Variants in DCLK2 observed in about 807,000 individuals in gnomAD.
DCLK2 encodes doublecortin like kinase 2, also known as serine/threonine-protein kinase DCLK2.
DCLK2 carries 31 observed loss-of-function variants against 78.4 expected under a neutral mutation model. The observed-to-expected ratio is 0.40, with a 90% CI of 0.30 to 0.53. DCLK2 has a LOEUF of 0.53. DCLK2 is among the 20% of genes least tolerant of loss of function. DCLK2 has a pLI of 0.61. For synonymous variants in DCLK2, 407 were observed against 374.9 expected (o/e 1.09, Z -0.99); for missense variants, 872 against 973.7 (o/e 0.90, Z 1.39).
At chr4:150,205,617 T>G (rs910326512) in intron 5 of DCLK2, among the ~76,000 whole-genome samples, 1 of 152,236 alleles carries the variant, frequency 6.6e-6, no homozygotes, top group Non-Finnish European at 1.5e-5. Context: ...TTACATAAAT[T>G]AAGAATTAGT....
chr4:150,183,266 G>C (rs1344517873), intron 2 of DCLK2, among the ~76,000 whole-genome samples: 1 of 152,186 alleles, frequency 6.6e-6, no homozygotes, highest in African/African-American at 2.4e-5. Flanking sequence ...TATCTCAAGA[G>C]ACCCTCATTT....
chr4:150,248,945 C>T (rs1053479388), intron 14 of DCLK2, among the ~76,000 whole-genome samples: 1 of 152,020 alleles, frequency 6.6e-6, no homozygotes, highest in Non-Finnish European at 1.5e-5. Flanking sequence ...ACATTTCTCC[C>T]ATTTCCGTCA....
intron 10 of DCLK2, among the ~76,000 whole-genome samples, chr4:150,236,312 T>G (rs1742505017): frequency 6.6e-6 from 1 of 152,178 alleles, no homozygotes; most frequent in African/African-American, 2.4e-5. Context: ...GCCTTTCCAG[T>G]TATTTTTCAG....
At chr4:150,200,510 G>A (rs1440455418) in intron 4 of DCLK2, among the ~76,000 whole-genome samples, 9 of 152,252 alleles carry the variant, frequency 5.9e-5, no homozygotes, top group South Asian at 2.1e-4. Flanking sequence ...GCTATATAGC[G>A]TGTTCTTTCC....
chr4:150,190,146 T>A (rs1738302032), intron 2 of DCLK2, among the ~76,000 whole-genome samples: 1 of 149,440 alleles, frequency 6.7e-6, no homozygotes, highest in Non-Finnish European at 1.5e-5. Context: ...GGCTGCACAG[T>A]GAGCCGTGAT....
intron 2 of DCLK2, among the ~76,000 whole-genome samples, chr4:150,163,398 A>AAAATAAAT (rs146823719): frequency 6.6e-5 from 10 of 150,592 alleles, no homozygotes; most frequent in African/African-American, 2.4e-4. Context: ...ACTCCGTCTC[A>AAAATAAAT]AAATAAATAA....
chr4:150,169,748 A>C (rs1316732409), intron 2 of DCLK2, among the ~76,000 whole-genome samples: 1 of 152,098 alleles, frequency 6.6e-6, no homozygotes, highest in Non-Finnish European at 1.5e-5. Flanking sequence ...AGGGTACAGA[A>C]ACAGTTTTAT....
chr4:150,225,181 G>A (rs1170747630), intron 8 of DCLK2, among the ~76,000 whole-genome samples: 2 of 152,198 alleles, frequency 1.3e-5, no homozygotes, highest in Non-Finnish European at 2.9e-5. Flanking sequence ...TCCTGGTCAG[G>A]AAACACATCT....
At chr4:150,207,975 C>T (rs1456244391) in intron 5 of DCLK2, among the ~76,000 whole-genome samples, 1 of 152,102 alleles carries the variant, frequency 6.6e-6, no homozygotes, top group Non-Finnish European at 1.5e-5. Context: ...GCAGGGTGGG[C>T]ATCAGCAGAT....
intron 5 of DCLK2, among the ~76,000 whole-genome samples, chr4:150,205,557 G>A (rs1453600388): frequency 6.6e-6 from 1 of 152,146 alleles, no homozygotes; most frequent in African/African-American, 2.4e-5. Flanking sequence ...ACTTAAGTCA[G>A]TTCATAATGT....
intron 2 of DCLK2, among the ~76,000 whole-genome samples, chr4:150,189,756 C>T (rs1374921901): frequency 6.6e-6 from 1 of 151,934 alleles, no homozygotes; most frequent in Non-Finnish European, 1.5e-5. Flanking sequence ...TCTGAGAACT[C>T]AGTTCCAATA....
intron 1 of DCLK2, among the ~76,000 whole-genome samples, chr4:150,080,111 G>GGCCCCCCCCCC (rs1729138253): frequency 7.7e-6 from 1 of 129,550 alleles, no homozygotes. Context: ...AGTCTCAAAA[G>GGCCCCCCCCCC]CCCCCCCCCC....
chr4:150,232,659 A>G (rs370781275), intron 9 of DCLK2, 23 bp from the exon 10 acceptor site: 2 of 1,611,222 alleles, frequency 1.2e-6, no homozygotes, highest in South Asian at 1.1e-5. Flanking sequence ...ATGCTTTGAT[A>G]TGTTCTTTTA....
intron 2 of DCLK2, among the ~76,000 whole-genome samples, chr4:150,185,415 T>C (rs1270898076): frequency 1.3e-5 from 2 of 148,656 alleles, no homozygotes. Flanking sequence ...ATATCATGCA[T>C]AGTATTTTTT....
intron 15 of DCLK2, chr4:150,253,179 A>G (rs578088808): frequency 2.3e-5 from 11 of 484,608 alleles, no homozygotes; most frequent in Non-Finnish European, 4.2e-5. Context: ...GTGTTTTTAC[A>G]TTAAAAATAA....
At chr4:150,197,948 C>CT (rs1739174321) in intron 3 of DCLK2, 54 bp from the exon 4 acceptor site, 6 of 1,432,106 alleles carry the variant, frequency 4.2e-6, no homozygotes. Flanking sequence ...TGTAACTCTG[C>CT]TTTTGGTCGT....
At chr4:150,178,507 C>A (rs1480587868) in intron 2 of DCLK2, among the ~76,000 whole-genome samples, 1 of 147,384 alleles carries the variant, frequency 6.8e-6, no homozygotes, top group Non-Finnish European at 1.5e-5. Flanking sequence ...AGAACTTCAT[C>A]TACTAAGAAG....
intron 2 of DCLK2, among the ~76,000 whole-genome samples, chr4:150,148,552 A>G (rs1734645319): frequency 6.6e-6 from 1 of 152,104 alleles, no homozygotes; most frequent in Non-Finnish European, 1.5e-5. Flanking sequence ...GATGCATATC[A>G]CTGTGCCTGG....
intron 3 of DCLK2, among the ~76,000 whole-genome samples, chr4:150,195,037 C>G (rs1216930492): frequency 2.1e-5 from 3 of 145,578 alleles, no homozygotes; most frequent in African/African-American, 5.1e-5. Context: ...AGCCTGGTGA[C>G]ACCACTGGAA....
Sources: gnomAD v4.1 joint callset for allele counts (sites outside exome capture counted in the v4.1 genomes callset) on GRCh38, gnomAD v4.1.1 for gene constraint, MANE v1.5 for transcripts, NCBI Gene and HGNC (gene_info 2026-07-23, HGNC 2026-07-21) for gene names.